Variants in USP12 observed in about 807,000 individuals in gnomAD.
USP12 encodes ubiquitin specific peptidase 12.
Under a neutral mutation model 45.5 loss-of-function variants are expected in USP12, and 19 were observed. The observed-to-expected ratio is 0.42, with a 90% confidence interval of 0.29 to 0.61. USP12 has a LOEUF of 0.61. Among genes scored for constraint, USP12 ranks in the 20% least tolerant of loss-of-function variants. USP12 has a pLI of 0.22. For synonymous variants in USP12, 149 were observed against 148.8 expected, an observed-to-expected ratio of 1.00 and a Z score of -0.01; for missense variants, 242 against 447.7, an observed-to-expected ratio of 0.54 and a Z score of 4.15.
chr13:27,143,025 G>A (rs776036661), intron 1 of USP12, among the ~76,000 whole-genome samples: 8 of 151,928 alleles, frequency 5.3e-5, no homozygotes, highest in South Asian at 2.1e-4. Flanking sequence ...CTGGGGAGGC[G>A]GAGGTTGCAG....
At chr13:27,103,607 A>AAATAAAAT (rs1555234501) in intron 3 of USP12, among the ~76,000 whole-genome samples, 1 of 128,520 alleles carries the variant, frequency 7.8e-6, no homozygotes, top group Non-Finnish European at 1.6e-5. Flanking sequence ...TCAAAAAAAA[A>AAATAAAAT]AATAATAATA....
chr13:27,104,112 C>T (rs1875014878), intron 3 of USP12, among the ~76,000 whole-genome samples: 2 of 152,120 alleles, frequency 1.3e-5, no homozygotes, highest in South Asian at 2.1e-4. Context: ...CTCACTGCAG[C>T]TTCAACCTCC....
chr13:27,131,030 C>T (rs1876474926), intron 1 of USP12, among the ~76,000 whole-genome samples: 1 of 152,148 alleles, frequency 6.6e-6, no homozygotes, highest in South Asian at 2.1e-4. Flanking sequence ...ATAACAAGAG[C>T]TGAATGACAC....
At chr13:27,143,420 G>C (rs1438408564) in intron 1 of USP12, among the ~76,000 whole-genome samples, 3 of 152,092 alleles carry the variant, frequency 2.0e-5, no homozygotes, top group African/African-American at 7.2e-5. Flanking sequence ...ATGAGAAAAA[G>C]TTCTTCTTTA....
chr13:27,167,155 G>C (rs543934715), intron 1 of USP12, among the ~76,000 whole-genome samples: 1 of 151,990 alleles, frequency 6.6e-6, no homozygotes, highest in Non-Finnish European at 1.5e-5. Flanking sequence ...CCAGCTACTC[G>C]GGAGGCTGAG....
intron 6 of USP12, among the ~76,000 whole-genome samples, chr13:27,080,145 G>A (rs1270673345): frequency 3.3e-5 from 5 of 152,186 alleles, no homozygotes; most frequent in Non-Finnish European, 7.3e-5. Context: ...GATCCAGGTA[G>A]GCATGCAGGC....
Position 27,068,651 on chromosome 13 carries a change from T to C in USP12, c.*632A>G, listed in dbSNP as rs1306838188. ...TAATTACAAAGCCAGTCTTTCCCCT[T>C]GGGGAAACAAAAAGCCACTTTTGAC... On this transcript the variant is annotated 3_prime_UTR_variant, in exon 9 of 9. Coordinates refer to ENST00000282344, the MANE Select transcript of USP12 (RefSeq NM_182488.4). The C allele has an allele frequency of 2.6e-5, 4 of 152,186 alleles. No individual in the cohort carries two copies. In the East Asian group the frequency reaches 5.8e-4, roughly 22 times the overall value. 9.4% of individuals were successfully genotyped at this position (152,186 alleles called of 1,614,324 possible). A position where few individuals can be genotyped will look rare whatever the true frequency, so the allele number is the denominator to read the frequency against.
chr13:27,110,497 G>A (rs1252504069), intron 2 of USP12, among the ~76,000 whole-genome samples: 1 of 152,138 alleles, frequency 6.6e-6, no homozygotes. Context: ...CCAACTTTTT[G>A]AAGAGGCTTG....
chr13:27,140,242 G>T (rs370285877), intron 1 of USP12, among the ~76,000 whole-genome samples: 1 of 152,152 alleles, frequency 6.6e-6, no homozygotes. Flanking sequence ...TGGAGGGAGC[G>T]AAACAGTGGT....
intron 2 of USP12, among the ~76,000 whole-genome samples, chr13:27,107,938 C>G (rs1244589358): frequency 1.3e-5 from 2 of 151,954 alleles, no homozygotes; most frequent in South Asian, 2.1e-4. Context: ...GTTGGTGGGA[C>G]TGTAAACTAG....
chr13:27,071,791 A>G (rs1873256534), intron 7 of USP12, among the ~76,000 whole-genome samples: 2 of 152,226 alleles, frequency 1.3e-5, no homozygotes, highest in African/African-American at 4.8e-5. Flanking sequence ...ATAAATGTAG[A>G]TATACATAAA....
At chr13:27,137,155 C>A (rs1015412933) in intron 1 of USP12, among the ~76,000 whole-genome samples, 17 of 152,124 alleles carry the variant, frequency 1.1e-4, no homozygotes, top group African/African-American at 3.9e-4. Flanking sequence ...TTCCATATTA[C>A]AAAATATATT....
rs1187100129 is a variant in USP12, at chr13:27,096,840, TC to T, written c.344-1011del. 8.5e-5 allele frequency among the ~76,000 whole-genome samples: 13 copies of T among 152,252 alleles called. No individual in the cohort carries two copies. The East Asian group carries it at 2.3e-3, about 27-fold the overall frequency. On this transcript the variant is annotated intron_variant, in intron 3 of 8. Coordinates refer to ENST00000282344, the MANE Select transcript of USP12 (RefSeq NM_182488.4). ...GATCCTCAATGTACATTTAATAAGT[TC>T]CAGAAAGATTTTACATTTTAAAAAT...
chr13:27,077,959 T>G (rs948160428), intron 6 of USP12: 4 of 152,156 alleles, frequency 2.6e-5, no homozygotes, highest in African/African-American at 9.7e-5. Context: ...GACAAACATT[T>G]TGAAGGAAAA....
intron 1 of USP12, among the ~76,000 whole-genome samples, chr13:27,155,396 G>C (rs1593213451): frequency 6.6e-6 from 1 of 151,886 alleles, no homozygotes; most frequent in Non-Finnish European, 1.5e-5. Flanking sequence ...CATAACTTTA[G>C]AATAATAAAC....
chr13:27,151,103 C>T (rs1347379969), intron 1 of USP12, among the ~76,000 whole-genome samples: 1 of 152,002 alleles, frequency 6.6e-6, no homozygotes, highest in African/African-American at 2.4e-5. Context: ...CCGAGGTGGG[C>T]AGATCACTTG....
intron 8 of USP12, 64 bp downstream of exon 8, chr13:27,071,007 G>GA: frequency 1.5e-6 from 2 of 1,375,098 alleles, no homozygotes; most frequent in South Asian, 1.3e-5. Context: ...AAAACTATGA[G>GA]AAAAAAGTGA....
chr13:27,092,954 T>G (rs1379371888), intron 4 of USP12, among the ~76,000 whole-genome samples: 1 of 152,166 alleles, frequency 6.6e-6, no homozygotes, highest in Non-Finnish European at 1.5e-5. Context: ...TCCAGCACTT[T>G]AGGAGGCCAA....
chr13:27,105,534 C>T (rs1408734679), intron 3 of USP12, among the ~76,000 whole-genome samples, 197 bp downstream of exon 3: 1 of 152,138 alleles, frequency 6.6e-6, no homozygotes, highest in African/African-American at 2.4e-5. Context: ...AAACATTAAC[C>T]GTATCTTGTA....
Sources: allele counts gnomAD v4.1 joint callset (sites outside exome capture counted in the v4.1 genomes callset), GRCh38; gene constraint gnomAD v4.1.1; transcripts MANE v1.5; gene names NCBI Gene and HGNC (gene_info 2026-07-23, HGNC 2026-07-21).